Variants in PHIP observed in about 807,000 individuals in gnomAD.
PHIP encodes PHIP subunit of CUL4-Ring ligase complex, also known as PH-interacting protein.
Under a neutral mutation model 236.8 loss-of-function variants are expected in PHIP, and 54 were observed. The observed-to-expected ratio is 0.23, with a 90% confidence interval of 0.18 to 0.29. The LOEUF (loss-of-function observed/expected upper bound fraction) is 0.29, where lower values mean the gene tolerates loss of function less well. Ranked by LOEUF, PHIP falls within the 10% of genes least tolerant of loss-of-function variation. The probability of loss-of-function intolerance (pLI) is 1.00; values close to 1 mark genes in which losing one functional copy is unlikely to be tolerated. For missense variants in PHIP, 1,370 were observed against 2,190.8 expected (o/e 0.63, Z 7.48); for synonymous variants, 756 against 718.9 (o/e 1.05, Z -0.83).
chr6:79,031,536 G>A (rs983749802), intron 7 of PHIP, among the ~76,000 whole-genome samples: 9 of 151,982 alleles, frequency 5.9e-5, no homozygotes, highest in African/African-American at 2.2e-4. Context: ...GTTGAGAAAG[G>A]GTGGGAATTA....
intron 35 of PHIP, among the ~76,000 whole-genome samples, chr6:78,949,875 G>C (rs531901426): frequency 6.6e-6 from 1 of 152,028 alleles, no homozygotes; most frequent in Non-Finnish European, 1.5e-5. Context: ...TTTTTGTAAA[G>C]ACGGGGTTTT....
At chr6:78,990,417 T>C (rs1010405485) in intron 20 of PHIP, among the ~76,000 whole-genome samples, 2 of 152,172 alleles carry the variant, frequency 1.3e-5, no homozygotes, top group Admixed American at 6.6e-5. Flanking sequence ...TCAAAACTAT[T>C]AGGGACAATC....
intron 7 of PHIP, among the ~76,000 whole-genome samples, chr6:79,041,794 T>C (rs989521639): frequency 1.3e-5 from 2 of 152,058 alleles, no homozygotes; most frequent in Admixed American, 1.3e-4. Flanking sequence ...TAAGAAGTGA[T>C]GTGCAAATGC....
At chr6:79,070,509 A>C (rs1773829997) in intron 4 of PHIP, among the ~76,000 whole-genome samples, 1 of 152,222 alleles carries the variant, frequency 6.6e-6, no homozygotes, top group African/African-American at 2.4e-5. Flanking sequence ...AACCAGAGTC[A>C]AACACAAGGT....
At chr6:79,077,629 G>GGCA in intron 3 of PHIP, 71 bp downstream of exon 3, 1 of 899,748 alleles carries the variant, frequency 1.1e-6, no homozygotes, top group Non-Finnish European at 1.3e-6. Context: ...TGCCGGCGGC[G>GGCA]GCAGCGGCGG....
Position 78,941,122 on chromosome 6 carries a change from C to A in PHIP, c.5037G>T (p.Val1679=). ...AKPEDLEQNN[V]HPIRDEVLPS... Reference sequence around the variant, plus strand: ...GAAGTACTTCATCTCTGATGGGATGCACATTATTTTGCTCTAAATCTTCTG... The same window carrying A: ...GAAGTACTTCATCTCTGATGGGATGAACATTATTTTGCTCTAAATCTTCTG... The change falls in exon 40 of 40, where the codon GTG becomes GTT. Residue 1679 remains valine, a synonymous_variant. Coordinates refer to ENST00000275034, the MANE Select transcript of PHIP (RefSeq NM_017934.7). 1 of 1,613,876 alleles carries A rather than the reference C, an allele frequency of 6.2e-7. No individual in the cohort carries two copies. The highest frequency in any genetic ancestry group is 1.1e-5 in the South Asian group (1 of 91,070).
chr6:79,012,020 G>A (rs906471163), intron 15 of PHIP, among the ~76,000 whole-genome samples: 6 of 151,410 alleles, frequency 4.0e-5, no homozygotes, highest in Admixed American at 3.3e-4. Context: ...GCATTTGAAA[G>A]TTCACCTTTT....
At chr6:78,942,787 A>G (rs1454464897) in intron 39 of PHIP, among the ~76,000 whole-genome samples, 2 of 152,230 alleles carry the variant, frequency 1.3e-5, no homozygotes, top group East Asian at 1.9e-4. Flanking sequence ...TAAGGACTAC[A>G]TGAATCCCTT....
intron 19 of PHIP, among the ~76,000 whole-genome samples, chr6:78,993,533 T>C (rs1229821215): frequency 6.6e-6 from 1 of 152,226 alleles, no homozygotes; most frequent in Non-Finnish European, 1.5e-5. Flanking sequence ...TGCTCATTTA[T>C]CATTCCAAAA....
intron 22 of PHIP, among the ~76,000 whole-genome samples, chr6:78,984,653 C>T (rs1582168071): frequency 6.6e-6 from 1 of 152,104 alleles, no homozygotes; most frequent in Non-Finnish European, 1.5e-5. Flanking sequence ...TAGATATAAC[C>T]ACACACATTT....
chr6:79,048,420 AT>A (rs1772609837), intron 6 of PHIP, among the ~76,000 whole-genome samples: 1 of 152,172 alleles, frequency 6.6e-6, no homozygotes, highest in South Asian at 2.1e-4. Flanking sequence ...TAGTAAATAC[AT>A]TTTTGAAGGC....
intron 31 of PHIP, 136 bp downstream of exon 31, chr6:78,961,554 T>C: frequency 1.3e-6 from 1 of 784,094 alleles, no homozygotes; most frequent in Non-Finnish European, 2.0e-6. Flanking sequence ...AATAAGATTC[T>C]ACATTTTAAC....
intron 6 of PHIP, among the ~76,000 whole-genome samples, 172 bp from the exon 7 acceptor site, chr6:79,043,175 T>C (rs1221006150): frequency 2.6e-5 from 4 of 152,080 alleles, no homozygotes; most frequent in Non-Finnish European, 4.4e-5. Context: ...AAAAACATTG[T>C]TTCACCTGAA....
intron 24 of PHIP, 93 bp from the exon 25 acceptor site, chr6:78,970,981 T>C (rs1767498169): frequency 1.4e-5 from 11 of 778,884 alleles, no homozygotes; most frequent in South Asian, 1.2e-4. Flanking sequence ...GAAAATCTAA[T>C]GCCTTTTCAG....
intron 19 of PHIP, among the ~76,000 whole-genome samples, chr6:78,991,964 C>CTTT (rs1250908263): frequency 7.5e-6 from 1 of 133,052 alleles, no homozygotes. Context: ...CAAATAGTAA[C>CTTT]TTTTTTTTTT....
At chr6:79,056,710 C>T (rs748277981) in intron 6 of PHIP, among the ~76,000 whole-genome samples, 1 of 152,014 alleles carries the variant, frequency 6.6e-6, no homozygotes, top group Admixed American at 6.6e-5. Flanking sequence ...CTCAACAGTG[C>T]CAAGGTTAAA....
In PHIP at chr6:79,078,212, CGGA is replaced by C. The variant is rs989201895; in HGVS notation, c.-147_-145del. 2.6e-3 allele frequency: 1,841 copies of C among 714,108 alleles called. No individual in the cohort carries two copies. Among genetic ancestry groups the C allele is most frequent in the South Asian group, 4.7e-3 (251 of 53,730 alleles). 44.2% of individuals were successfully genotyped at this position (714,108 alleles called of 1,614,324 possible). ...ACCATTCAAGCAACGGCGGCGGAGG[CGGA>C]GGAGGAGGAGGAGGAAACAACAACT... On this transcript the variant is annotated 5_prime_UTR_variant, in exon 1 of 40. Transcript: ENST00000275034.
intron 10 of PHIP, 74 bp downstream of exon 10, chr6:79,019,015 A>G (rs1300541187): frequency 4.1e-6 from 4 of 977,342 alleles, no homozygotes; most frequent in Non-Finnish European, 6.5e-6. Context: ...ATATTTTCCT[A>G]AATATTACAC....
Position 79,078,004 on chromosome 6 carries a change from C to A in PHIP, c.40+25G>T, listed in dbSNP as rs749056209. The stretch of plus-strand genomic sequence containing the variant: ...CGCGGGCGGAATCGCCCGGTGCCAG[C>A]GGCCCCGGCAGCCCCCCGACTTACC... On this transcript the variant is annotated intron_variant, in intron 1 of 39. Transcript: ENST00000275034. 1.9e-5 allele frequency: 31 copies of A among 1,606,852 alleles called. No homozygotes were observed. In the African/African-American group the frequency reaches 3.8e-4, roughly 19 times the overall value.
Sources: allele counts gnomAD v4.1 joint callset (sites outside exome capture counted in the v4.1 genomes callset), GRCh38; gene constraint gnomAD v4.1.1; transcripts MANE v1.5; gene names NCBI Gene and HGNC (gene_info 2026-07-23, HGNC 2026-07-21).